Variants in MACROD1 observed in about 807,000 individuals in gnomAD.
MACROD1 encodes the protein ADP-ribose glycohydrolase MACROD1.
Under a neutral mutation model 41.4 loss-of-function variants are expected in MACROD1, and 31 were observed. That is an observed-to-expected ratio of 0.75 (90% CI 0.56 to 1.01). The LOEUF (loss-of-function observed/expected upper bound fraction) is 1.01. MACROD1 is among the 50% of genes least tolerant of loss of function. The pLI, the probability that MACROD1 is intolerant of heterozygous loss-of-function variation, is 0.00. For synonymous variants in MACROD1, 252 were observed against 203.4 expected (o/e 1.24, Z -2.03); for missense variants, 473 against 460.0 (o/e 1.03, Z -0.26).
chr11:64,019,199 C>T (rs553698760), intron 3 of MACROD1, among the ~76,000 whole-genome samples: 6 of 152,330 alleles, frequency 3.9e-5, no homozygotes, highest in African/African-American at 1.2e-4. Flanking sequence ...CGAGGTGGCC[C>T]GGCCCCATCG....
intron 1 of MACROD1, among the ~76,000 whole-genome samples, chr11:64,161,777 G>A (rs1023529753): frequency 2.0e-5 from 3 of 150,938 alleles, no homozygotes; most frequent in African/African-American, 7.3e-5. Context: ...CTACAATAAA[G>A]GTTTTAAAAC....
intron 1 of MACROD1, among the ~76,000 whole-genome samples, chr11:64,163,425 C>T (rs1174865624): frequency 6.6e-6 from 1 of 152,238 alleles, no homozygotes; most frequent in Non-Finnish European, 1.5e-5. Context: ...ATTCTGACCC[C>T]TAGAATAAAG....
At chr11:64,019,206 A>G (rs1386562178) in intron 3 of MACROD1, among the ~76,000 whole-genome samples, 1 of 152,044 alleles carries the variant, frequency 6.6e-6, no homozygotes, top group Non-Finnish European at 1.5e-5. Context: ...GCCCGGCCCC[A>G]TCGGGTTCCC....
intron 3 of MACROD1, among the ~76,000 whole-genome samples, chr11:64,093,628 C>T (rs1253396234): frequency 6.6e-6 from 1 of 152,250 alleles, no homozygotes; most frequent in Non-Finnish European, 1.5e-5. Context: ...GGTCTTCCTT[C>T]TCTGCTGAAG....
chr11:64,137,407 TGAA>T (rs1375261135), intron 3 of MACROD1, among the ~76,000 whole-genome samples: 1 of 150,968 alleles, frequency 6.6e-6, no homozygotes, highest in Non-Finnish European at 1.5e-5. Context: ...AGAGGAAAAA[TGAA>T]GAAAAAAGGC....
intron 1 of MACROD1, among the ~76,000 whole-genome samples, chr11:64,159,147 C>T (rs1254502415): frequency 2.6e-5 from 4 of 151,962 alleles, no homozygotes; most frequent in Admixed American, 1.3e-4. Flanking sequence ...TGGTGAAACC[C>T]TGTCTCTACT....
At chr11:64,035,770 G>C (rs959154549) in intron 3 of MACROD1, among the ~76,000 whole-genome samples, 1 of 16,104 alleles carries the variant, frequency 6.2e-5, no homozygotes, top group African/African-American at 2.2e-4. Context: ...CTGCACGCAC[G>C]GCCCCCGCCG....
rs540700832 is a variant in MACROD1 at position 64,127,331 on chromosome 11, G to A, written c.517+23908C>T. Among the ~76,000 whole-genome samples the A allele has an allele frequency of 2.0e-3, 305 of 152,242 alleles. 2 individuals are homozygous for A. Among genetic ancestry groups the A allele is most frequent in the African/African-American group, 6.9e-3 (286 of 41,536 alleles). On this transcript the variant is annotated intron_variant, in intron 3 of 10. Transcript: ENST00000255681. The stretch of plus-strand genomic sequence containing the variant: ...CTGACTCTCGGCTTGGCACCCCATC[G>A]GGCCAGGGGCCAGGTGTCCGGGGCA...
intron 3 of MACROD1, among the ~76,000 whole-genome samples, chr11:64,026,699 C>T (rs545902): frequency 0.31 from 47,260 of 151,946 alleles, 9,134 homozygotes; most frequent in Non-Finnish European, 0.43. Context: ...CATGGCTGTA[C>T]CCCACACCCC....
rs190371436 is a variant in MACROD1 at position 64,119,510 on chromosome 11, C to T, written c.517+31729G>A. ...GTTCCCTCCTAGGACGGGTAATTAG[C>T]GCAGGGATTTTTTTTTTAAATATCA... On this transcript the variant is annotated intron_variant, in intron 3 of 10. Coordinates refer to ENST00000255681, the MANE Select transcript of MACROD1 (RefSeq NM_014067.4). Among the ~76,000 whole-genome samples the T allele has an allele frequency of 1.4e-3, 203 of 141,360 alleles. 3 individuals are homozygous for T. The highest frequency in any genetic ancestry group is 5.8e-3 in the African/African-American group (192 of 32,988). The allele number at this position is 141,360 out of a possible 152,430, so 92.7% of individuals were successfully genotyped here. A position where few individuals can be genotyped will look rare whatever the true frequency, so the allele number is the denominator to read the frequency against.
chr11:64,024,373 A>G (rs1311585204), intron 3 of MACROD1, among the ~76,000 whole-genome samples: 3 of 152,212 alleles, frequency 2.0e-5, no homozygotes, highest in East Asian at 1.9e-4. Flanking sequence ...AGGGGGTCCT[A>G]TGATTTTTCC....
intron 1 of MACROD1, among the ~76,000 whole-genome samples, chr11:64,163,754 T>C (rs909856817): frequency 6.6e-6 from 1 of 152,176 alleles, no homozygotes; most frequent in Admixed American, 6.5e-5. Flanking sequence ...CCTCAAGAGA[T>C]GGAGAGAATG....
At chr11:64,099,004 G>A (rs559977675) in intron 3 of MACROD1, among the ~76,000 whole-genome samples, 1 of 152,362 alleles carries the variant, frequency 6.6e-6, no homozygotes, top group East Asian at 1.9e-4. Flanking sequence ...GCTATGAACT[G>A]TAAAGCTGAG....
chr11:64,136,529 C>T (rs1945335140), intron 3 of MACROD1, among the ~76,000 whole-genome samples: 1 of 152,208 alleles, frequency 6.6e-6, no homozygotes, highest in East Asian at 1.9e-4. Context: ...AGGGGCCTGC[C>T]TGGAGGCTGG....
chr11:64,033,239 T>A (rs984542272), intron 3 of MACROD1, among the ~76,000 whole-genome samples: 4 of 152,220 alleles, frequency 2.6e-5, no homozygotes, highest in African/African-American at 9.6e-5. Context: ...AGGGCCCGAT[T>A]CACTTCTGGT....
At chr11:64,116,050 C>T (rs577065924) in intron 3 of MACROD1, among the ~76,000 whole-genome samples, 3 of 152,184 alleles carry the variant, frequency 2.0e-5, no homozygotes, top group Non-Finnish European at 2.9e-5. Context: ...CAATCACCTG[C>T]GGCATAAACC....
At chr11:64,027,756 C>T (rs1386114232) in intron 3 of MACROD1, among the ~76,000 whole-genome samples, 2 of 152,162 alleles carry the variant, frequency 1.3e-5, no homozygotes, top group Admixed American at 1.3e-4. Context: ...ACTCGGCCTA[C>T]AATTTCCGTG....
chr11:64,135,636 C>T (rs953068591), intron 3 of MACROD1, among the ~76,000 whole-genome samples: 1 of 152,250 alleles, frequency 6.6e-6, no homozygotes, highest in African/African-American at 2.4e-5. Context: ...TAAAGCCCCT[C>T]CTTTCCCAGA....
chr11:64,118,271 C>G (rs1213952925), intron 3 of MACROD1: 1 of 1,588,522 alleles, frequency 6.3e-7, no homozygotes, highest in South Asian at 1.1e-5. Context: ...GCATCCCCGA[C>G]ATAGACTACT....
Sources: gnomAD v4.1 joint callset for allele counts (sites outside exome capture counted in the v4.1 genomes callset) on GRCh38, gnomAD v4.1.1 for gene constraint, MANE v1.5 for transcripts, NCBI Gene and HGNC (gene_info 2026-07-23, HGNC 2026-07-21) for gene names.